HS3ST2: variants seen among roughly 807,000 people sequenced by gnomAD.
The protein encoded by HS3ST2 is heparan sulfate glucosamine 3-O-sulfotransferase 2.
A neutral mutation model predicts 26.3 loss-of-function variants in HS3ST2; 17 were observed. That is an observed-to-expected ratio of 0.65 (90% CI 0.44 to 0.97). The LOEUF (loss-of-function observed/expected upper bound fraction) is 0.97, where lower values mean the gene tolerates loss of function less well. HS3ST2 is among the 50% of genes least tolerant of loss of function. The probability of loss-of-function intolerance (pLI) is 0.00; values close to 1 mark genes in which losing one functional copy is unlikely to be tolerated. For missense variants in HS3ST2, 402 were observed against 501.2 expected (o/e 0.80, Z 1.89); for synonymous variants, 237 against 219.2 (o/e 1.08, Z -0.72).
chr16:22,880,833 TAACCCAGG>T lies in HS3ST2; in HGVS notation c.486-34110_486-34103del, dbSNP rs879634243. Among the ~76,000 whole-genome samples, 1,264 of 152,330 alleles carry T rather than the reference TAACCCAGG, an allele frequency of 8.3e-3. 14 individuals are homozygous for T. Among genetic ancestry groups the T allele is most frequent in the African/African-American group, 0.028 (1,175 of 41,578 alleles). On this transcript the variant is annotated intron_variant, in intron 1 of 1. Transcript: ENST00000261374. ...CTGGGATCAAGCTGTGAGGATTATGTAACCCAGGTGCCAATAGACACCTTTGCCAGTCA... is the reference window on the plus strand; with the variant it reads ...CTGGGATCAAGCTGTGAGGATTATGTTGCCAATAGACACCTTTGCCAGTCA...
intron 1 of HS3ST2, among the ~76,000 whole-genome samples, chr16:22,874,375 G>A (rs763108228): frequency 6.6e-5 from 10 of 152,094 alleles, no homozygotes; most frequent in African/African-American, 9.7e-5. Flanking sequence ...CCTCCTCCAC[G>A]TCCCATCTGC....
At chr16:22,877,909 G>A (rs114012734) in intron 1 of HS3ST2, among the ~76,000 whole-genome samples, 1 of 152,140 alleles carries the variant, frequency 6.6e-6, no homozygotes, top group East Asian at 1.9e-4. Flanking sequence ...GCATAGAGGG[G>A]GATAATGAGG....
intron 1 of HS3ST2, among the ~76,000 whole-genome samples, chr16:22,907,346 T>C (rs1054844025): frequency 6.6e-6 from 1 of 152,168 alleles, no homozygotes; most frequent in Admixed American, 6.5e-5. Flanking sequence ...CTTAATTGGA[T>C]TTGCTCCAGA....
chr16:22,835,160 TTCAAATATTCATTTTGTTCA>T (rs2141179789), intron 1 of HS3ST2, among the ~76,000 whole-genome samples: 1 of 152,016 alleles, frequency 6.6e-6, no homozygotes, highest in East Asian at 1.9e-4. Context: ...ATTTGAACTT[TTCAAATATTCATTTTGTTCA>T]TTTTTTTTTG....
At chr16:22,893,143 T>A (rs1302768196) in intron 1 of HS3ST2, among the ~76,000 whole-genome samples, 1 of 152,226 alleles carries the variant, frequency 6.6e-6, no homozygotes, top group Non-Finnish European at 1.5e-5. Context: ...GTCAAAACAC[T>A]TGAATTTGTA....
rs1900820401 is a variant in HS3ST2 at position 22,814,467 on chromosome 16, C to T, written c.-144C>T. Reference sequence around the variant, plus strand: ...ACTGTGCGCACCCTGGTCAGCAGCCCCCGGAGAAGACGGCGCCCCCAACGC... The same window carrying T: ...ACTGTGCGCACCCTGGTCAGCAGCCTCCGGAGAAGACGGCGCCCCCAACGC... On this transcript the variant is annotated 5_prime_UTR_variant, in exon 1 of 2. Transcript: ENST00000261374. The T allele has an allele frequency of 2.5e-6, 2 of 798,164 alleles. No individual in the cohort carries two copies. The highest frequency in any genetic ancestry group is 4.3e-5 in the South Asian group (2 of 46,632). The allele number at this position is 798,164 out of a possible 1,614,324, so 49.4% of individuals were successfully genotyped here.
At chr16:22,877,543 A>G (rs1901937517) in intron 1 of HS3ST2, among the ~76,000 whole-genome samples, 1 of 152,228 alleles carries the variant, frequency 6.6e-6, no homozygotes, top group Non-Finnish European at 1.5e-5. Flanking sequence ...TCACTTGGAC[A>G]GAGGAGAGGA....
chr16:22,911,174 C>T (rs1902420856), intron 1 of HS3ST2, among the ~76,000 whole-genome samples: 1 of 152,136 alleles, frequency 6.6e-6, no homozygotes, highest in Non-Finnish European at 1.5e-5. Flanking sequence ...GCAATTTTCT[C>T]CAGTGCTGTT....
intron 1 of HS3ST2, among the ~76,000 whole-genome samples, chr16:22,906,367 CTAAA>C (rs55897973): frequency 6.9e-6 from 1 of 144,046 alleles, no homozygotes; most frequent in East Asian, 2.1e-4. Context: ...GAGACTCCAT[CTAAA>C]TAAATAAATA....
chr16:22,823,131 G>A (rs1040859867), intron 1 of HS3ST2, among the ~76,000 whole-genome samples: 1 of 152,092 alleles, frequency 6.6e-6, no homozygotes, highest in African/African-American at 2.4e-5. Context: ...ATGGAAAACC[G>A]GCAACACTTG....
At chr16:22,871,345 A>G (rs1266210362) in intron 1 of HS3ST2, among the ~76,000 whole-genome samples, 3 of 128,164 alleles carry the variant, frequency 2.3e-5, no homozygotes, top group East Asian at 2.3e-4. Context: ...ACAGAGCGAC[A>G]CTCTGTTTCA....
chr16:22,832,619 A>G (rs957857981), intron 1 of HS3ST2, among the ~76,000 whole-genome samples: 8 of 151,950 alleles, frequency 5.3e-5, no homozygotes, highest in Non-Finnish European at 1.2e-4. Flanking sequence ...CCAGGCTTCT[A>G]CTGAAAGGCA....
chr16:22,888,567 T>C (rs1347403816), intron 1 of HS3ST2, among the ~76,000 whole-genome samples: 1 of 151,984 alleles, frequency 6.6e-6, no homozygotes, highest in East Asian at 1.9e-4. Context: ...TTTGTATTTT[T>C]ATTAGAGACA....
At chr16:22,860,637 C>A (rs1000027963) in intron 1 of HS3ST2, among the ~76,000 whole-genome samples, 2 of 152,244 alleles carry the variant, frequency 1.3e-5, no homozygotes, top group East Asian at 3.9e-4. Flanking sequence ...TCAACACTTA[C>A]ACCATTTTAG....
rs1467736078 is a variant in HS3ST2 at position 22,814,498 on chromosome 16, C to G, written c.-113C>G. 8.0e-6 allele frequency: 10 copies of G among 1,256,932 alleles called. No individual in the cohort carries two copies. The highest frequency in any genetic ancestry group is 1.0e-5 in the Non-Finnish European group (10 of 960,996). 77.9% of individuals were successfully genotyped at this position (1,256,932 alleles called of 1,614,324 possible). ...GAAGACGGCGCCCCCAACGCCCGAC[C>G]CGCGTGGCCGTGGCAGCGCCACGCG... On this transcript the variant is annotated 5_prime_UTR_variant, in exon 1 of 2. Coordinates refer to ENST00000261374, the MANE Select transcript of HS3ST2 (RefSeq NM_006043.2).
At chr16:22,822,010 C>A (rs1338452550) in intron 1 of HS3ST2, among the ~76,000 whole-genome samples, 1 of 152,048 alleles carries the variant, frequency 6.6e-6, no homozygotes, top group African/African-American at 2.4e-5. Flanking sequence ...CCACCAGCCA[C>A]CATGAACACT....
At chr16:22,886,046 C>T (rs1171311500) in intron 1 of HS3ST2, among the ~76,000 whole-genome samples, 1 of 152,110 alleles carries the variant, frequency 6.6e-6, no homozygotes, top group African/African-American at 2.4e-5. Context: ...CATGGGATGC[C>T]GTTAACACAC....
chr16:22,862,116 T>C (rs1227278522), intron 1 of HS3ST2, among the ~76,000 whole-genome samples: 1 of 152,166 alleles, frequency 6.6e-6, no homozygotes, highest in Admixed American at 6.5e-5. Flanking sequence ...TAATGCCAAG[T>C]ACAGCACCTG....
chr16:22,874,821 G>A (rs572868471), intron 1 of HS3ST2, among the ~76,000 whole-genome samples: 30 of 152,110 alleles, frequency 2.0e-4, no homozygotes, highest in South Asian at 2.1e-4. Flanking sequence ...GGGCTGCATC[G>A]CCCTGTGAGG....
Sources: gnomAD v4.1 joint callset for allele counts (sites outside exome capture counted in the v4.1 genomes callset) on GRCh38, gnomAD v4.1.1 for gene constraint, MANE v1.5 for transcripts, NCBI Gene and HGNC (gene_info 2026-07-23, HGNC 2026-07-21) for gene names.